TANK: variants seen among roughly 807,000 people sequenced by gnomAD.
TANK encodes the protein TRAF family member-associated NF-kappa-B activator.
Under a neutral mutation model 43.6 loss-of-function variants are expected in TANK, and 15 were observed. The observed-to-expected ratio is 0.34, with a 90% CI of 0.23 to 0.53. The LOEUF (loss-of-function observed/expected upper bound fraction) is 0.53, where lower values mean the gene tolerates loss of function less well. Ranked by LOEUF, TANK falls within the 20% of genes least tolerant of loss-of-function variation. TANK has a pLI of 0.94. For synonymous variants in TANK, 162 were observed against 178.2 expected (o/e 0.91, Z 0.73); for missense variants, 417 against 498.6 (o/e 0.84, Z 1.56).
chr2:161,169,493 A>G (rs1032881532), intron 1 of TANK, among the ~76,000 whole-genome samples: 1 of 152,190 alleles, frequency 6.6e-6, no homozygotes, highest in Non-Finnish European at 1.5e-5. Flanking sequence ...GGATATTTAA[A>G]GAGAGCTGAA....
At chr2:161,231,804 T>C (rs1160713628) in intron 7 of TANK, among the ~76,000 whole-genome samples, 1 of 152,248 alleles carries the variant, frequency 6.6e-6, no homozygotes. Flanking sequence ...CTTATCCATA[T>C]CTGTCGTGGT....
chr2:161,184,677 A>G (rs186435773), intron 2 of TANK, among the ~76,000 whole-genome samples: 109 of 152,300 alleles, frequency 7.2e-4, no homozygotes, highest in Middle Eastern at 6.8e-3. Context: ...GTACCCTCTC[A>G]GATGGTGTCC....
chr2:161,176,894 C>A (rs539187607), intron 1 of TANK, among the ~76,000 whole-genome samples: 3 of 152,064 alleles, frequency 2.0e-5, no homozygotes, highest in Non-Finnish European at 4.4e-5. Flanking sequence ...ATAGCTTAGC[C>A]GCTTAGCTAC....
Position 161,198,111 on chromosome 2 carries a change from C to T in TANK, c.100-5376C>T, listed in dbSNP as rs551809049. Among the ~76,000 whole-genome samples the T allele has an allele frequency of 2.0e-5, 3 of 152,202 alleles. No individual in the cohort carries two copies. The East Asian group carries it at 5.8e-4, about 29-fold the overall frequency. ...AGACAAATTCCTCTTCAGCTGTGAG[C>T]CTATGAAATTATACAGTTATATGCT... On this transcript the variant is annotated intron_variant, in intron 2 of 7. Transcript: ENST00000392749.
chr2:161,145,938 C>T (rs964102990), intron 1 of TANK, among the ~76,000 whole-genome samples: 1 of 150,416 alleles, frequency 6.6e-6, no homozygotes, highest in African/African-American at 2.5e-5. Flanking sequence ...GTTCCATTCT[C>T]CCTGTCTTTT....
intron 1 of TANK, among the ~76,000 whole-genome samples, chr2:161,173,219 G>A (rs1331797493): frequency 6.6e-6 from 1 of 152,040 alleles, no homozygotes; most frequent in Non-Finnish European, 1.5e-5. Context: ...CATACATGCT[G>A]ACCCTGACCA....
At chr2:161,165,533 A>T (rs1038727040) in intron 1 of TANK, among the ~76,000 whole-genome samples, 2 of 152,130 alleles carry the variant, frequency 1.3e-5, no homozygotes, top group Admixed American at 6.5e-5. Flanking sequence ...TTGTTTCTCA[A>T]CCTTTAAAAA....
Position 161,179,700 on chromosome 2 carries a change from A to T in TANK, c.38A>T (p.Tyr13Phe). 6.2e-7 allele frequency: 1 copy of T among 1,613,302 alleles called. No individual in the cohort carries two copies. The highest frequency in any genetic ancestry group is 8.5e-7 in the Non-Finnish European group (1 of 1,179,518). Residue 13 changes from tyrosine (Y) to phenylalanine (F), a missense_variant, in exon 2 of 8, where the codon TAT (tyrosine) becomes TTT (phenylalanine). Tyr to Phe is a conservative substitution (Grantham distance 22). Transcript: ENST00000392749. The stretch of plus-strand genomic sequence containing the variant: ...ATTGGCGAGCAACTCAATAAAGCGT[A>T]TGAAGCCTTCCGGCAGGCATGCATG... ...KNIGEQLNKAYEAFRQACMDR... is the reference protein window; with the variant it reads ...KNIGEQLNKAFEAFRQACMDR...
intron 2 of TANK, among the ~76,000 whole-genome samples, chr2:161,190,638 A>G (rs1205119653): frequency 6.6e-6 from 1 of 152,186 alleles, no homozygotes; most frequent in East Asian, 1.9e-4. Context: ...ATGGAAAGAA[A>G]ATTGTACACG....
At chr2:161,170,783 A>G in intron 1 of TANK, among the ~76,000 whole-genome samples, 1 of 152,200 alleles carries the variant, frequency 6.6e-6, no homozygotes, top group Non-Finnish European at 1.5e-5. Context: ...AGAGGTCCAT[A>G]GAAAGGTTAA....
intron 4 of TANK, among the ~76,000 whole-genome samples, chr2:161,214,364 C>T (rs910990380): frequency 1.3e-5 from 2 of 152,128 alleles, no homozygotes; most frequent in African/African-American, 4.8e-5. Context: ...AATAATTGTA[C>T]TTCAGTATGC....
chr2:161,185,863 A>T (rs1252832520), intron 2 of TANK, among the ~76,000 whole-genome samples: 1 of 150,994 alleles, frequency 6.6e-6, no homozygotes, highest in East Asian at 1.9e-4. Context: ...AAAGTATAAT[A>T]AAAAAAATAA....
upstream of TANK, chr2:161,155,959 A>G (rs184070498): frequency 9.5e-6 from 7 of 734,554 alleles, no homozygotes; most frequent in East Asian, 6.5e-4. Context: ...TTCACTGATT[A>G]AATTAATGAC....
At chr2:161,161,520 C>T (rs995091929) in intron 1 of TANK, 1 of 1,484,044 alleles carries the variant, frequency 6.7e-7, no homozygotes, top group African/African-American at 1.4e-5. Flanking sequence ...AAGTGAAATC[C>T]TTCTCAGTCC....
chr2:161,155,255 T>C (rs552157409), intron 1 of TANK, among the ~76,000 whole-genome samples: 38 of 152,264 alleles, frequency 2.5e-4, no homozygotes, highest in Non-Finnish European at 4.1e-4. Flanking sequence ...AATCAGAAAG[T>C]TGTGACCATA....
In TANK at chr2:161,235,610, A is replaced by C; in HGVS notation, c.*92A>C. The C allele has an allele frequency of 2.8e-6, 3 of 1,056,038 alleles. No individual in the cohort carries two copies. Among genetic ancestry groups the C allele is most frequent in the Non-Finnish European group, 3.9e-6 (3 of 776,224 alleles). The allele number at this position is 1,056,038 out of a possible 1,614,324, so 65.4% of individuals were successfully genotyped here. ...TTGATTGTAAACTAAATTCAAGATC[A>C]TTTATAGGAAAATCTAGTTTCACAG... On this transcript the variant is annotated 3_prime_UTR_variant, in exon 8 of 8. Coordinates refer to ENST00000392749, the MANE Select transcript of TANK (RefSeq NM_001199135.3).
chr2:161,230,977 A>G lies in TANK; in HGVS notation c.527A>G (p.Gln176Arg). 6.2e-7 allele frequency: 1 copy of G among 1,613,454 alleles called. No homozygotes were observed. Among genetic ancestry groups the G allele is most frequent in the African/African-American group, 1.3e-5 (1 of 75,028 alleles). Reference sequence around the variant, plus strand: ...TGTGTTCTTCTCCCTCCAGAAACACAGTGCTCTGTGCCTATACAGTGTACG... The same window carrying G: ...TGTGTTCTTCTCCCTCCAGAAACACGGTGCTCTGTGCCTATACAGTGTACG... ...LNIPDTATET[Q>R]CSVPIQCTDK... The change falls in exon 7 of 8, where the codon CAG (glutamine) becomes CGG (arginine). Residue 176 changes from glutamine (Q) to arginine (R), a missense_variant. By Grantham distance (43) the Gln-to-Arg change is conservative. Coordinates refer to ENST00000392749, the MANE Select transcript of TANK (RefSeq NM_001199135.3).
chr2:161,171,655 G>A (rs1391135349), intron 1 of TANK, among the ~76,000 whole-genome samples: 1 of 152,114 alleles, frequency 6.6e-6, no homozygotes, highest in African/African-American at 2.4e-5. Flanking sequence ...AGGCCCTTTT[G>A]TGAAAAGGTC....
upstream of TANK, chr2:161,156,022 T>C (rs1480936922): frequency 1.0e-6 from 1 of 972,030 alleles, no homozygotes; most frequent in Non-Finnish European, 1.2e-6. Context: ...ATTAATATAT[T>C]TCAAAACACA....
Sources: gnomAD v4.1 joint callset for allele counts (sites outside exome capture counted in the v4.1 genomes callset) on GRCh38, gnomAD v4.1.1 for gene constraint, MANE v1.5 for transcripts, NCBI Gene and HGNC (gene_info 2026-07-23, HGNC 2026-07-21) for gene names.